Variants in PALLD observed in about 807,000 individuals in gnomAD.
PALLD encodes palladin, cytoskeletal associated protein, also known as palladin.
Under a neutral mutation model 123.5 loss-of-function variants are expected in PALLD, and 61 were observed. The ratio of observed to expected loss-of-function variants is 0.49; its 90% CI spans 0.40 to 0.61. The LOEUF (loss-of-function observed/expected upper bound fraction) is 0.61. PALLD is among the 20% of genes least tolerant of loss of function. PALLD has a pLI of 0.00. For missense variants in PALLD, 1,273 were observed against 1,377.0 expected, an observed-to-expected ratio of 0.92 and a Z score of 1.20; for synonymous variants, 465 against 496.4, an observed-to-expected ratio of 0.94 and a Z score of 0.84.
At chr4:168,515,910 T>A (rs1029689993) in intron 2 of PALLD, among the ~76,000 whole-genome samples, 1 of 152,158 alleles carries the variant, frequency 6.6e-6, no homozygotes, top group African/African-American at 2.4e-5. Context: ...GCTGGCATGA[T>A]GAACCTTACA....
At chr4:168,653,859 C>T (rs1344905747) in intron 2 of PALLD, among the ~76,000 whole-genome samples, 1 of 152,002 alleles carries the variant, frequency 6.6e-6, no homozygotes, top group Non-Finnish European at 1.5e-5. Flanking sequence ...CGCCACCATG[C>T]CCAGCTAATT....
chr4:168,866,801 T>C (rs1342953913), intron 10 of PALLD, among the ~76,000 whole-genome samples: 3 of 152,214 alleles, frequency 2.0e-5, no homozygotes, highest in African/African-American at 2.4e-5. Flanking sequence ...TACCTAACAT[T>C]ATATGCATGG....
chr4:168,608,372 T>C (rs1773397290), intron 2 of PALLD, among the ~76,000 whole-genome samples: 1 of 152,192 alleles, frequency 6.6e-6, no homozygotes, highest in African/African-American at 2.4e-5. Flanking sequence ...TCCTTTTAAA[T>C]GATAAAATTT....
chr4:168,598,837 C>CACT lies in PALLD; in HGVS notation c.909-69352_909-69350dup, dbSNP rs575889257. 531 of 233,270 alleles carry CACT rather than the reference C, an allele frequency of 2.3e-3. 1 individual carries two copies. The highest frequency in any genetic ancestry group is 0.012 in the African/African-American group (499 of 42,578). The allele number at this position is 233,270 out of a possible 1,614,324, so 14.5% of individuals were successfully genotyped here. A position where few individuals can be genotyped will look rare whatever the true frequency, so the allele number is the denominator to read the frequency against. On this transcript the variant is annotated intron_variant, in intron 2 of 21. Coordinates refer to ENST00000505667, the MANE Select transcript of PALLD (RefSeq NM_001166108.2). ...ATACAGCAACAGCAAAATCACAATT[C>CACT]ACTTCTGTATATCAAAATAATTCCA... is the stretch of plus-strand genomic sequence containing the variant.
At chr4:168,816,409 A>T (rs201374124) in intron 10 of PALLD, among the ~76,000 whole-genome samples, 44 of 116,394 alleles carry the variant, frequency 3.8e-4, no homozygotes, top group African/African-American at 1.3e-3. Flanking sequence ...ATATATATAT[A>T]TATATTTTTT....
At chr4:168,919,887 T>C (rs1761077029) in intron 17 of PALLD, among the ~76,000 whole-genome samples, 1 of 152,124 alleles carries the variant, frequency 6.6e-6, no homozygotes, top group South Asian at 2.1e-4. Flanking sequence ...GAACTGGGGT[T>C]AGAAAAAAGG....
intron 10 of PALLD, among the ~76,000 whole-genome samples, chr4:168,780,933 C>T (rs1735825897): frequency 6.6e-6 from 1 of 152,128 alleles, no homozygotes; most frequent in Non-Finnish European, 1.5e-5. Flanking sequence ...GGTGATCTGC[C>T]CACTTCAGCC....
chr4:168,852,098 A>G (rs755206958), intron 10 of PALLD, among the ~76,000 whole-genome samples: 1 of 152,184 alleles, frequency 6.6e-6, no homozygotes, highest in South Asian at 2.1e-4. Flanking sequence ...AAAACGTAGC[A>G]CACCCCTTGC....
intron 14 of PALLD, among the ~76,000 whole-genome samples, chr4:168,901,878 T>C (rs1414597430): frequency 6.6e-6 from 1 of 152,154 alleles, no homozygotes; most frequent in African/African-American, 2.4e-5. Flanking sequence ...AGTCAACTAC[T>C]AAAAAGTAAA....
intron 2 of PALLD, among the ~76,000 whole-genome samples, chr4:168,520,439 A>G (rs2149451935): frequency 6.6e-6 from 1 of 151,958 alleles, no homozygotes; most frequent in Non-Finnish European, 1.5e-5. Flanking sequence ...GAGTTAACTC[A>G]TGAAAGGCAT....
chr4:168,817,499 G>T (rs1468048690), intron 10 of PALLD, among the ~76,000 whole-genome samples: 9 of 152,146 alleles, frequency 5.9e-5, no homozygotes, highest in Admixed American at 1.3e-4. Context: ...TACTGAAAAA[G>T]ATGTCAAAAG....
In PALLD at chr4:168,729,843, A is replaced by G. The variant is rs116570237; in HGVS notation, c.1964+17920A>G. Among the ~76,000 whole-genome samples the G allele has an allele frequency of 4.4e-3, 667 of 152,294 alleles. 6 individuals are homozygous for G. The highest frequency in any genetic ancestry group is 0.015 in the African/African-American group (634 of 41,566). ...CTCACACTAAACTGACTGTTTGGCT[A>G]GGTTTAAGAGTATGGGTTTTTCCTA... On this transcript the variant is annotated intron_variant, in intron 10 of 21. Transcript: ENST00000505667.
intron 2 of PALLD, among the ~76,000 whole-genome samples, chr4:168,582,463 T>A (rs1183714736): frequency 6.6e-6 from 1 of 152,134 alleles, no homozygotes; most frequent in African/African-American, 2.4e-5. Flanking sequence ...TATTCCTTTT[T>A]CTTGCCTAAT....
chr4:168,727,092 T>C (rs962547886), intron 10 of PALLD, among the ~76,000 whole-genome samples: 1 of 152,236 alleles, frequency 6.6e-6, no homozygotes, highest in African/African-American at 2.4e-5. Flanking sequence ...TTACATGATG[T>C]ATATGTACCA....
chr4:168,797,894 T>TG (rs1177376034), intron 10 of PALLD, among the ~76,000 whole-genome samples: 1 of 150,666 alleles, frequency 6.6e-6, no homozygotes, highest in Non-Finnish European at 1.5e-5. Context: ...TGTATATTAA[T>TG]GTCATATTCA....
At chr4:168,769,872 A>G (rs563502236) in intron 10 of PALLD, among the ~76,000 whole-genome samples, 23 of 152,326 alleles carry the variant, frequency 1.5e-4, no homozygotes, top group African/African-American at 4.3e-4. Context: ...TTAGTTATCT[A>G]CAGATTGAGA....
At chr4:168,647,598 T>C (rs142743959) in intron 2 of PALLD, among the ~76,000 whole-genome samples, 1 of 152,072 alleles carries the variant, frequency 6.6e-6, no homozygotes, top group East Asian at 1.9e-4. Context: ...CTGGCCAATA[T>C]GGTGAAACCC....
At chr4:168,512,556 G>T in intron 2 of PALLD, 144 bp downstream of exon 2, 1 of 785,658 alleles carries the variant, frequency 1.3e-6, no homozygotes. Context: ...GCCCAGAATC[G>T]CCACTATGAG....
At chr4:168,803,482 C>T (rs1011527029) in intron 10 of PALLD, among the ~76,000 whole-genome samples, 4 of 151,942 alleles carry the variant, frequency 2.6e-5, no homozygotes, top group African/African-American at 4.8e-5. Flanking sequence ...CCCAGGAACT[C>T]GAGACCAGCC....
Sources: gnomAD v4.1 joint callset for allele counts (sites outside exome capture counted in the v4.1 genomes callset) on GRCh38, gnomAD v4.1.1 for gene constraint, MANE v1.5 for transcripts, NCBI Gene and HGNC (gene_info 2026-07-23, HGNC 2026-07-21) for gene names.